The following MRPS27 variants were observed in gnomAD, a reference collection of about 807,000 sequenced individuals.
MRPS27 encodes the protein mitochondrial ribosomal protein S27.
MRPS27 carries 43 observed loss-of-function variants against 48.9 expected under a neutral mutation model. The ratio of observed to expected loss-of-function variants is 0.88; its 90% CI spans 0.69 to 1.13. The LOEUF (loss-of-function observed/expected upper bound fraction) is 1.13. MRPS27 is among the 50% of genes most tolerant of loss of function. MRPS27 has a pLI of 0.00. For synonymous variants in MRPS27, 188 were observed against 171.9 expected, an observed-to-expected ratio of 1.09 and a Z score of -0.73; for missense variants, 467 against 476.3, an observed-to-expected ratio of 0.98 and a Z score of 0.18.
intron 10 of MRPS27, among the ~76,000 whole-genome samples, chr5:72,221,396 G>A (rs1185156549): frequency 6.6e-6 from 1 of 152,076 alleles, no homozygotes; most frequent in Non-Finnish European, 1.5e-5. Flanking sequence ...TGTTAGCTGT[G>A]GTTATTTTTT....
chr5:72,313,734 G>A (rs547056698), intron 2 of MRPS27, among the ~76,000 whole-genome samples: 150 of 152,190 alleles, frequency 9.9e-4, no homozygotes, highest in African/African-American at 3.6e-3. Context: ...GAGGAGTTAA[G>A]AAAATAAAGA....
At chr5:72,228,125 A>G (rs1747948055) in intron 8 of MRPS27, 141 bp downstream of exon 8, 1 of 710,806 alleles carries the variant, frequency 1.4e-6, no homozygotes, top group Admixed American at 2.6e-5. Context: ...AAGGCCATCA[A>G]GGTCTATTTT....
At chr5:72,228,796 C>A (rs891418098) in intron 7 of MRPS27, 1 of 154,490 alleles carries the variant, frequency 6.5e-6, no homozygotes, top group Non-Finnish European at 1.4e-5. Context: ...CCTGATGGAA[C>A]AAGCTTTTGA....
At chr5:72,228,010 T>C in intron 8 of MRPS27, 1 of 486,104 alleles carries the variant, frequency 2.1e-6, no homozygotes, top group South Asian at 4.3e-5. Flanking sequence ...TTCTTCAGAC[T>C]GATTACCACT....
intron 4 of MRPS27, among the ~76,000 whole-genome samples, chr5:72,259,999 G>A (rs1748924496): frequency 6.6e-6 from 1 of 152,082 alleles, no homozygotes; most frequent in Non-Finnish European, 1.5e-5. Flanking sequence ...CTTCTTACTA[G>A]AACTGCCTTT....
At chr5:72,242,665 TACACAC>T (rs57589095) in intron 4 of MRPS27, among the ~76,000 whole-genome samples, 33,083 of 134,010 alleles carry the variant, frequency 0.25, 3,928 homozygotes, top group East Asian at 0.4. Context: ...AGACCCCGTC[TACACAC>T]ACACACACAC....
chr5:72,234,719 T>C (rs1748156360), intron 5 of MRPS27, among the ~76,000 whole-genome samples: 1 of 152,136 alleles, frequency 6.6e-6, no homozygotes, highest in African/African-American at 2.4e-5. Flanking sequence ...TTCAGATTTC[T>C]TAAAATGTGG....
chr5:72,253,759 T>C (rs1471193706), intron 4 of MRPS27, among the ~76,000 whole-genome samples: 1 of 152,206 alleles, frequency 6.6e-6, no homozygotes, highest in Non-Finnish European at 1.5e-5. Flanking sequence ...GATGGTGTGC[T>C]CAGTGTTAAC....
chr5:72,281,427 T>A (rs1012313885), intron 4 of MRPS27, among the ~76,000 whole-genome samples: 1 of 152,054 alleles, frequency 6.6e-6, no homozygotes, highest in Non-Finnish European at 1.5e-5. Flanking sequence ...GTGTCTCAGG[T>A]AAAGAGAAAG....
intron 4 of MRPS27, among the ~76,000 whole-genome samples, chr5:72,250,431 C>G (rs1314439553): frequency 6.6e-6 from 1 of 152,106 alleles, no homozygotes; most frequent in Non-Finnish European, 1.5e-5. Flanking sequence ...TGCTGCTTCT[C>G]CAGGGGCAGA....
At chr5:72,246,925 C>T (rs577411448) in intron 4 of MRPS27, among the ~76,000 whole-genome samples, 6 of 152,236 alleles carry the variant, frequency 3.9e-5, no homozygotes, top group African/African-American at 1.4e-4. Flanking sequence ...AGGTCTCTAA[C>T]AGCGAAAAAT....
At chr5:72,319,871 A>G in intron 1 of MRPS27, 1 of 431,984 alleles carries the variant, frequency 2.3e-6, no homozygotes, top group Non-Finnish European at 4.2e-6. Flanking sequence ...CAGCAAAAGC[A>G]CGACCACCCC....
chr5:72,254,126 TTG>T (rs1748734280), intron 4 of MRPS27, among the ~76,000 whole-genome samples: 1 of 152,226 alleles, frequency 6.6e-6, no homozygotes, highest in Non-Finnish European at 1.5e-5. Context: ...AAAATCTTCT[TTG>T]CTCTGATGAT....
At chr5:72,224,323 C>T (rs1180302717) in intron 9 of MRPS27, among the ~76,000 whole-genome samples, 1 of 152,164 alleles carries the variant, frequency 6.6e-6, no homozygotes, top group African/African-American at 2.4e-5. Flanking sequence ...CACATCACTG[C>T]ACTCCAGCCT....
At chr5:72,237,846 A>C (rs1434246368) in intron 5 of MRPS27, among the ~76,000 whole-genome samples, 168 bp downstream of exon 5, 1 of 151,426 alleles carries the variant, frequency 6.6e-6, no homozygotes, top group African/African-American at 2.4e-5. Context: ...TTTTTTTTTA[A>C]TTTATTAATG....
rs759164283 is a variant in MRPS27, at chr5:72,297,640, T to C, written c.214A>G (p.Ile72Val). The change falls in exon 3 of 11, where the codon ATA becomes GTA. Residue 72 changes from isoleucine (I) to valine (V), a missense_variant. Coordinates refer to ENST00000261413, the MANE Select transcript of MRPS27 (RefSeq NM_015084.3). The stretch of plus-strand genomic sequence containing the variant: ...TGTTAAAATTTTCTTACCCGTGATA[T>C]TGTTAAAGAACTAACAGGCAACTTT... Reference protein sequence around the residue: ...ERKLPVSSLTISRLIDNISSR... With the variant: ...ERKLPVSSLTVSRLIDNISSR... The C allele has an allele frequency of 6.3e-7, 1 of 1,587,828 alleles. No individual in the cohort carries two copies. Among genetic ancestry groups the C allele is most frequent in the Non-Finnish European group, 8.6e-7 (1 of 1,162,238 alleles).
intron 5 of MRPS27, among the ~76,000 whole-genome samples, chr5:72,237,040 C>T (rs1041175337): frequency 2.0e-5 from 3 of 151,874 alleles, no homozygotes; most frequent in African/African-American, 7.3e-5. Context: ...CTACTTGAGC[C>T]TCTAGAGTAG....
chr5:72,226,264 A>G, intron 8 of MRPS27, 65 bp from the exon 9 acceptor site: 1 of 1,584,850 alleles, frequency 6.3e-7, no homozygotes, highest in South Asian at 1.1e-5. Flanking sequence ...AAGACTGAGG[A>G]CCTGAAGGCC....
At chr5:72,225,949 A>G (rs1244905150) in intron 9 of MRPS27, 108 bp downstream of exon 9, 8 of 1,298,100 alleles carry the variant, frequency 6.2e-6, no homozygotes, top group East Asian at 4.9e-5. Flanking sequence ...CCTATTCTAT[A>G]GACATATAGA....
Sources: allele counts gnomAD v4.1 joint callset (sites outside exome capture counted in the v4.1 genomes callset), GRCh38; gene constraint gnomAD v4.1.1; transcripts MANE v1.5; gene names NCBI Gene and HGNC (gene_info 2026-07-23, HGNC 2026-07-21).